Variants in DKKL1 observed in about 807,000 individuals in gnomAD.
DKKL1 encodes dickkopf-like protein 1.
In DKKL1, 11 loss-of-function variants were observed where a neutral mutation model predicts 16.5. That is an observed-to-expected ratio of 0.67 (90% CI 0.42 to 1.10). The LOEUF is 1.10. Ranked by LOEUF, DKKL1 falls within the 50% of genes least tolerant of loss-of-function variation. The probability of loss-of-function intolerance (pLI) is 0.00; values close to 1 mark genes in which losing one functional copy is unlikely to be tolerated. For synonymous variants in DKKL1, 119 were observed against 133.2 expected, an observed-to-expected ratio of 0.89 and a Z score of 0.73; for missense variants, 320 against 308.1, an observed-to-expected ratio of 1.04 and a Z score of -0.29.
chr19:49,364,779 G>C, intron 2 of DKKL1, 25 bp downstream of exon 2: 1 of 1,605,702 alleles, frequency 6.2e-7, no homozygotes, highest in Non-Finnish European at 8.5e-7. Flanking sequence ...GGGGATGGGG[G>C]AAGAAGTACT....
intron 4 of DKKL1, chr19:49,370,355 A>G (rs1457849157): frequency 6.6e-6 from 1 of 151,146 alleles, no homozygotes; most frequent in Non-Finnish European, 1.5e-5. Flanking sequence ...AGGATGCCTC[A>G]CTGGACTTGA....
intron 4 of DKKL1, among the ~76,000 whole-genome samples, chr19:49,374,350 C>A (rs951473822): frequency 6.6e-6 from 1 of 152,124 alleles, no homozygotes; most frequent in African/African-American, 2.4e-5. Context: ...CATGAGTCTT[C>A]GGTAAACCCA....
chr19:49,370,124 A>G (rs1384291500), intron 4 of DKKL1: 1 of 152,256 alleles, frequency 6.6e-6, no homozygotes, highest in Non-Finnish European at 1.5e-5. Context: ...TCCTGGAAGG[A>G]TACCAAGCCA....
upstream of DKKL1, among the ~76,000 whole-genome samples, chr19:49,361,207 G>GACAGAGACCCAGAGAGAGAGAGGA (rs1568585767): frequency 4.3e-4 from 43 of 100,194 alleles, 1 homozygote; most frequent in Admixed American, 1.1e-3. Flanking sequence ...CAGAGAGGGA[G>GACAGAGACCCAGAGAGAGAGAGGA]ACAGAGACCC....
chr19:49,373,319 G>A lies in DKKL1; in HGVS notation c.418-1398G>A, dbSNP rs1408105622. Among the ~76,000 whole-genome samples the A allele has an allele frequency of 2.6e-4, 37 of 140,766 alleles. No homozygotes were observed. In the South Asian group the frequency reaches 8.6e-3, roughly 33 times the overall value. 92.3% of individuals were successfully genotyped at this position (140,766 alleles called of 152,430 possible). On this transcript the variant is annotated intron_variant, in intron 4 of 4. Transcript: ENST00000221498. The stretch of plus-strand genomic sequence containing the variant: ...CTCCATCTCAAAAAAAAAAAAAAAA[G>A]AACACAGTCATGTTGGATTAGGGCC...
intron 2 of DKKL1, 29 bp from the exon 3 acceptor site, chr19:49,365,478 AGC>A: frequency 7.6e-6 from 12 of 1,569,488 alleles, no homozygotes; most frequent in Non-Finnish European, 1.0e-5. Flanking sequence ...TGTGAGGTCC[AGC>A]AGCTCACCAG....
At chr19:49,360,962 G>A (rs114614976), upstream of DKKL1, among the ~76,000 whole-genome samples, 2,147 of 116,948 alleles carry the variant, frequency 0.018, 131 homozygotes, top group African/African-American at 0.072. Context: ...GACCAGTGAC[G>A]GAGGGGACAG....
chr19:49,370,563 G>A (rs1411794238), intron 4 of DKKL1: 3 of 151,464 alleles, frequency 2.0e-5, no homozygotes, highest in Non-Finnish European at 2.9e-5. Flanking sequence ...TAAATTTAAA[G>A]GCTGACAAAT....
chr19:49,367,549 G>A (rs1044338852), intron 4 of DKKL1, among the ~76,000 whole-genome samples: 3 of 151,856 alleles, frequency 2.0e-5, no homozygotes, highest in Non-Finnish European at 4.4e-5. Context: ...TGGGATTACA[G>A]GTGACTGCCA....
chr19:49,366,712 G>GT (rs1973263409), intron 4 of DKKL1, among the ~76,000 whole-genome samples: 1 of 96,258 alleles, frequency 1.0e-5, no homozygotes, highest in African/African-American at 5.6e-5. Flanking sequence ...TTGTTTTTTT[G>GT]GTTTTTTTTT....
At chr19:49,362,999 G>A (rs2146745698), upstream of DKKL1, 1 of 144,596 alleles carries the variant, frequency 6.9e-6, no homozygotes, top group South Asian at 2.2e-4. Context: ...ATGACGACCT[G>A]GTTTCCTTGT....
At chr19:49,365,770 A>T (rs775548791) in intron 3 of DKKL1, 23 bp from the exon 4 acceptor site, 10 of 1,611,524 alleles carry the variant, frequency 6.2e-6, no homozygotes, top group Non-Finnish European at 8.5e-6. Context: ...GTTTGCTCTC[A>T]CTCTCTCATC....
chr19:49,373,246 T>C (rs1186833423), intron 4 of DKKL1, among the ~76,000 whole-genome samples: 2 of 147,158 alleles, frequency 1.4e-5, no homozygotes, highest in African/African-American at 2.5e-5. Context: ...GAGGCTGCAG[T>C]GAGCCGAGAT....
At chr19:49,362,909 T>TG (rs200641977), upstream of DKKL1, among the ~76,000 whole-genome samples, 530 of 148,736 alleles carry the variant, frequency 3.6e-3, 1 homozygote, top group African/African-American at 9.9e-3. Context: ...GTTTGGTTTT[T>TG]GGTTTTTTTG....
In DKKL1 at chr19:49,364,011, G is replaced by T; in HGVS notation, c.10+3G>T. On this transcript the variant is annotated splice_donor_region_variant and intron_variant, in intron 1 of 4. Coordinates refer to ENST00000221498, the MANE Select transcript of DKKL1 (RefSeq NM_014419.4). ...GAAGGGGCGGGGTATGGGAGAAGGT[G>T]AGGATTGAGATCTGGTGGTGAACGT... The T allele has an allele frequency of 6.2e-7, 1 of 1,613,416 alleles. No homozygotes were observed. The highest frequency in any genetic ancestry group is 8.5e-7 in the Non-Finnish European group (1 of 1,179,670).
upstream of DKKL1, among the ~76,000 whole-genome samples, chr19:49,361,163 G>A (rs747860823): frequency 1.2e-4 from 13 of 111,858 alleles, no homozygotes; most frequent in Middle Eastern, 0.016. Context: ...ACCGGGGGGG[G>A]GGGACAGGGA....
chr19:49,371,849 C>T (rs937763810), intron 4 of DKKL1, among the ~76,000 whole-genome samples: 17 of 152,002 alleles, frequency 1.1e-4, no homozygotes, highest in African/African-American at 4.1e-4. Flanking sequence ...TCAGCTCCCA[C>T]TTGAGTGATA....
chr19:49,366,691 GT>G (rs889650400), intron 4 of DKKL1, among the ~76,000 whole-genome samples: 12 of 141,858 alleles, frequency 8.5e-5, no homozygotes, highest in Non-Finnish European at 1.2e-4. Context: ...GATTTTTGGG[GT>G]TTTTTTTGTT....
intron 4 of DKKL1, among the ~76,000 whole-genome samples, chr19:49,372,858 G>A (rs549110247): frequency 3.4e-5 from 5 of 146,668 alleles, no homozygotes; most frequent in African/African-American, 7.6e-5. Flanking sequence ...AAAATTAGCC[G>A]GGCATGGTGG....
Sources: gnomAD v4.1 joint callset for allele counts (sites outside exome capture counted in the v4.1 genomes callset) on GRCh38, gnomAD v4.1.1 for gene constraint, MANE v1.5 for transcripts, NCBI Gene and HGNC (gene_info 2026-07-23, HGNC 2026-07-21) for gene names.